Variants in YPEL1 observed in about 807,000 individuals in gnomAD.
YPEL1 encodes the protein protein yippee-like 1.
A neutral mutation model predicts 17.3 loss-of-function variants in YPEL1; 7 were observed. That is an observed-to-expected ratio of 0.40 (90% confidence interval 0.23 to 0.76). The LOEUF (loss-of-function observed/expected upper bound fraction) is 0.76. YPEL1 is among the 30% of genes least tolerant of loss of function. The pLI is 0.35. For synonymous variants in YPEL1, 59 were observed against 59.6 expected (o/e 0.99, Z 0.05); for missense variants, 91 against 155.5 (o/e 0.59, Z 2.21).
chr22:21,703,569 G>A lies in YPEL1; in HGVS notation c.162-91C>T. 2 of 1,217,328 alleles carry A rather than the reference G, an allele frequency of 1.6e-6. No individual in the cohort carries two copies. The highest frequency in any genetic ancestry group is 1.2e-6 in the Non-Finnish European group (1 of 847,196). The allele number at this position is 1,217,328 out of a possible 1,614,324, so 75.4% of individuals were successfully genotyped here. ...AGCGGGCCCCACCCCATCCTCCTAA[G>A]AGTTCCCCCAAAACAGGGAAACTCC... On this transcript the variant is annotated intron_variant, in intron 3 of 4. Transcript: ENST00000339468. The surrounding 1 kb of genome is among the most constrained non-coding windows in gnomAD (Gnocchi z 6.1).
Position 21,703,623 on chromosome 22 carries a change from G to T in YPEL1, c.162-145C>A. ...AGAGCAGTGCCGTGCCTCTCCCCCA[G>T]CCCTGCCCGCCACCACCATCAATGG... On this transcript the variant is annotated intron_variant, in intron 3 of 4. Transcript: ENST00000339468. This position sits in a 1 kb window ranked among gnomAD's most constrained non-coding sequence, Gnocchi z 6.1. The T allele has an allele frequency of 1.2e-6, 1 of 818,512 alleles. No individual in the cohort carries two copies. Among genetic ancestry groups the T allele is most frequent in the Non-Finnish European group, 1.9e-6 (1 of 521,796 alleles). The allele number at this position is 818,512 out of a possible 1,614,324, so 50.7% of individuals were successfully genotyped here.
At chr22:21,709,138 T>A (rs1169333504) in intron 2 of YPEL1, among the ~76,000 whole-genome samples, 1 of 152,164 alleles carries the variant, frequency 6.6e-6, no homozygotes, top group Non-Finnish European at 1.5e-5. Flanking sequence ...GTCACCTGCT[T>A]AGGTCATGGC....
rs191457444 is a variant in YPEL1, at chr22:21,715,123, C to T, written c.-164-4215G>A. Among the ~76,000 whole-genome samples, 153 of 152,114 alleles carry T rather than the reference C, an allele frequency of 1.0e-3. 1 individual carries two copies. Among genetic ancestry groups the T allele is most frequent in the African/African-American group, 3.3e-3 (138 of 41,486 alleles). The stretch of plus-strand genomic sequence containing the variant: ...ATATACACACACACACATACATATA[C>T]ATATATGTGTGGATTATGTATGTAC... On this transcript the variant is annotated intron_variant, in intron 1 of 4. Coordinates refer to ENST00000339468, the MANE Select transcript of YPEL1 (RefSeq NM_013313.5).
chr22:21,700,283 T>C lies in YPEL1; in HGVS notation c.*846A>G, dbSNP rs113514267. ...AGACTTGCTATCTAAAGAGACCCTGTCCCTGTGGTCTTCAGAGACTCAGTC... is the reference window on the plus strand; with the variant it reads ...AGACTTGCTATCTAAAGAGACCCTGCCCCTGTGGTCTTCAGAGACTCAGTC... On this transcript the variant is annotated 3_prime_UTR_variant, in exon 5 of 5. Transcript: ENST00000339468. 6.6e-6 allele frequency: 1 copy of C among 152,360 alleles called. No homozygotes were observed. Among genetic ancestry groups the C allele is most frequent in the East Asian group, 1.9e-4 (1 of 5,222 alleles). The allele number at this position is 152,360 out of a possible 1,614,324, so 9.4% of individuals were successfully genotyped here.
At chr22:21,701,615 T>C (rs1312677752) in intron 4 of YPEL1, among the ~76,000 whole-genome samples, 2 of 152,152 alleles carry the variant, frequency 1.3e-5, no homozygotes, top group African/African-American at 4.8e-5. Flanking sequence ...GGATTACTTG[T>C]AGGACAGTGT....
chr22:21,704,986 G>C (rs1356901819), intron 2 of YPEL1, among the ~76,000 whole-genome samples: 1 of 152,136 alleles, frequency 6.6e-6, no homozygotes, highest in Non-Finnish European at 1.5e-5. Flanking sequence ...GGGGTTTTGA[G>C]ATGGAGTGTC....
chr22:21,731,071 T>C (rs766823483), intron 1 of YPEL1, among the ~76,000 whole-genome samples: 3 of 152,144 alleles, frequency 2.0e-5, no homozygotes, highest in Non-Finnish European at 4.4e-5. Flanking sequence ...GTAGAGGTGC[T>C]TTCTTGCTAA....
Position 21,703,694 on chromosome 22 carries a change from G to A in YPEL1, c.161+145C>T, listed in dbSNP as rs2068087314. ...GGCTAGGGGGCAAGATCCTTAGCGC[G>A]TTTCAGAAACTCCCGGCGGGGGGAT... On this transcript the variant is annotated intron_variant, in intron 3 of 4. Coordinates refer to ENST00000339468, the MANE Select transcript of YPEL1 (RefSeq NM_013313.5). This position sits in a 1 kb window ranked among gnomAD's most constrained non-coding sequence, Gnocchi z 6.1. The A allele has an allele frequency of 5.7e-6, 5 of 882,554 alleles. No individual in the cohort carries two copies. The highest frequency in any genetic ancestry group is 5.3e-4 in the Middle Eastern group (2 of 3,762). The allele number at this position is 882,554 out of a possible 1,614,324, so 54.7% of individuals were successfully genotyped here.
At position 21,703,585 on chromosome 22, in the gene YPEL1, G is replaced by A. The variant is rs2148595418; in HGVS notation, c.162-107C>T. 9.4e-7 allele frequency: 1 copy of A among 1,067,150 alleles called. No individual in the cohort carries two copies. Among genetic ancestry groups the A allele is most frequent in the Non-Finnish European group, 1.4e-6 (1 of 721,778 alleles). 66.1% of individuals were successfully genotyped at this position (1,067,150 alleles called of 1,614,324 possible). A position where few individuals can be genotyped will look rare whatever the true frequency, so the allele number is the denominator to read the frequency against. On this transcript the variant is annotated intron_variant, in intron 3 of 4. Transcript: ENST00000339468. This position sits in a 1 kb window ranked among gnomAD's most constrained non-coding sequence, Gnocchi z 6.1. ...TCCTCCTAAGAGTTCCCCCAAAACA[G>A]GGAAACTCCCAGAGAGCAGTGCCGT... is the stretch of plus-strand genomic sequence containing the variant.
intron 1 of YPEL1, among the ~76,000 whole-genome samples, chr22:21,714,241 G>A (rs903747781): frequency 1.3e-5 from 2 of 152,338 alleles, no homozygotes; most frequent in South Asian, 2.1e-4. Context: ...AGACACAAAC[G>A]GCCGGTGGCG....
intron 1 of YPEL1, among the ~76,000 whole-genome samples, chr22:21,729,810 T>C (rs2068370595): frequency 6.6e-6 from 1 of 152,144 alleles, no homozygotes; most frequent in South Asian, 2.1e-4. Flanking sequence ...AATATCATCC[T>C]ATAATAATAC....
chr22:21,703,710 G>GC lies in YPEL1; in HGVS notation c.161+128dup. 1 of 1,057,240 alleles carries GC rather than the reference G, an allele frequency of 9.5e-7. No homozygotes were observed. Among genetic ancestry groups the GC allele is most frequent in the Non-Finnish European group, 1.4e-6 (1 of 730,094 alleles). 65.5% of individuals were successfully genotyped at this position (1,057,240 alleles called of 1,614,324 possible). Reference sequence around the variant, plus strand: ...CCTTAGCGCGTTTCAGAAACTCCCGGCGGGGGGATGGTGGGTTCTTTCAGG... The same window carrying GC: ...CCTTAGCGCGTTTCAGAAACTCCCGGCCGGGGGGATGGTGGGTTCTTTCAGG... On this transcript the variant is annotated intron_variant, in intron 3 of 4. Transcript: ENST00000339468. The surrounding 1 kb of genome is among the most constrained non-coding windows in gnomAD (Gnocchi z 6.1).
At chr22:21,724,737 C>T (rs1340526228) in intron 1 of YPEL1, among the ~76,000 whole-genome samples, 3 of 147,192 alleles carry the variant, frequency 2.0e-5, no homozygotes, top group Non-Finnish European at 3.0e-5. Context: ...TGCGCCACCA[C>T]ACTTGGTTCA....
rs1032328529 is a variant in YPEL1, at chr22:21,703,990, C to T, written c.118-108G>A. ...CCCGCGGCTGTTAGCTGCGCCGGGACGCGTCACCGGGAGCAGACACCGGCG... is the reference window on the plus strand; with the variant it reads ...CCCGCGGCTGTTAGCTGCGCCGGGATGCGTCACCGGGAGCAGACACCGGCG... On this transcript the variant is annotated intron_variant, in intron 2 of 4. Transcript: ENST00000339468. This position sits in a 1 kb window ranked among gnomAD's most constrained non-coding sequence, Gnocchi z 6.1. The T allele has an allele frequency of 2.0e-5, 26 of 1,277,796 alleles. No individual in the cohort carries two copies. Among genetic ancestry groups the T allele is most frequent in the South Asian group, 1.3e-4 (10 of 78,596 alleles). 79.2% of individuals were successfully genotyped at this position (1,277,796 alleles called of 1,614,324 possible). A position where few individuals can be genotyped will look rare whatever the true frequency, so the allele number is the denominator to read the frequency against.
intron 2 of YPEL1, chr22:21,704,198 A>T (rs1228869936): frequency 1.4e-6 from 1 of 717,746 alleles, no homozygotes; most frequent in Non-Finnish European, 2.6e-6. Flanking sequence ...TTTACCTTAG[A>T]GGAGTTCTGA....
chr22:21,714,132 C>T (rs568772467), intron 1 of YPEL1, among the ~76,000 whole-genome samples: 7 of 152,308 alleles, frequency 4.6e-5, no homozygotes, highest in Admixed American at 6.5e-5. Flanking sequence ...GTCTGCCCCC[C>T]ACCTGCGCAG....
At chr22:21,710,544 G>T in intron 2 of YPEL1, 84 bp downstream of exon 2, 1 of 1,183,278 alleles carries the variant, frequency 8.5e-7, no homozygotes, top group Non-Finnish European at 1.3e-6. Flanking sequence ...GAAGTCATGT[G>T]ATGCTTAAAT....
rs564619421 is a variant in YPEL1 at position 21,720,361 on chromosome 22, C to T, written c.-164-9453G>A. Among the ~76,000 whole-genome samples, 15 of 151,780 alleles carry T rather than the reference C, an allele frequency of 9.9e-5. No individual in the cohort carries two copies. In the East Asian group the frequency reaches 2.8e-3, roughly 28 times the overall value. ...CTGACACTACAGGCCCATGCCACCA[C>T]GCCTGGCTAATTTTTTTGTTGTAGA... is the stretch of plus-strand genomic sequence containing the variant. On this transcript the variant is annotated intron_variant, in intron 1 of 4. Transcript: ENST00000339468.
intron 1 of YPEL1, among the ~76,000 whole-genome samples, chr22:21,725,493 T>A (rs1327669708): frequency 6.6e-6 from 1 of 151,916 alleles, no homozygotes; most frequent in Non-Finnish European, 1.5e-5. Flanking sequence ...CCTCCCAAAG[T>A]GCTGGGATTA....
Sources: allele counts gnomAD v4.1 joint callset (sites outside exome capture counted in the v4.1 genomes callset), GRCh38; gene constraint gnomAD v4.1.1; non-coding constraint Gnocchi (gnomAD v3.1); transcripts MANE v1.5; gene names NCBI Gene and HGNC (gene_info 2026-07-23, HGNC 2026-07-21).